ARID4A: variants seen among roughly 807,000 people sequenced by gnomAD.
ARID4A encodes AT-rich interaction domain 4A.
ARID4A carries 39 observed loss-of-function variants against 148.6 expected under a neutral mutation model. That is an observed-to-expected ratio of 0.26 (90% CI 0.20 to 0.34). The LOEUF (loss-of-function observed/expected upper bound fraction) is 0.34. Ranked by LOEUF, ARID4A falls within the 10% of genes least tolerant of loss-of-function variation. ARID4A has a pLI of 1.00. For synonymous variants in ARID4A, 475 were observed against 481.2 expected (o/e 0.99, Z 0.17); for missense variants, 1,265 against 1,449.1 (o/e 0.87, Z 2.06).
chr14:58,348,985 A>C (rs1189617035), intron 15 of ARID4A, among the ~76,000 whole-genome samples: 2 of 152,184 alleles, frequency 1.3e-5, no homozygotes, highest in Non-Finnish European at 2.9e-5. Context: ...TGCAAACCTG[A>C]AATTCTGTAC....
At chr14:58,323,439 A>G (rs1173489293) in intron 7 of ARID4A, 46 bp from the exon 8 acceptor site, 1 of 1,580,400 alleles carries the variant, frequency 6.3e-7, no homozygotes. Flanking sequence ...TCTGTATCAA[A>G]TAATTGTTTG....
intron 7 of ARID4A, among the ~76,000 whole-genome samples, chr14:58,320,577 CT>C (rs953336605): frequency 2.7e-5 from 4 of 148,208 alleles, no homozygotes; most frequent in Admixed American, 2.7e-4. Context: ...ATTCTGTAGC[CT>C]TTTTTCTTCC....
intron 19 of ARID4A, 124 bp downstream of exon 19, chr14:58,361,166 TTG>T: frequency 7.2e-7 from 1 of 1,386,922 alleles, no homozygotes; most frequent in Non-Finnish European, 9.5e-7. Context: ...AAAACTTCCA[TTG>T]TGTGAAATAT....
intron 5 of ARID4A, among the ~76,000 whole-genome samples, chr14:58,313,420 C>T (rs2032191534): frequency 1.3e-5 from 2 of 152,168 alleles, no homozygotes; most frequent in African/African-American, 2.4e-5. Context: ...CATTTGCGCT[C>T]CTATGAGAAT....
chr14:58,359,741 C>A (rs917861750), intron 18 of ARID4A, among the ~76,000 whole-genome samples: 1 of 151,990 alleles, frequency 6.6e-6, no homozygotes, highest in Non-Finnish European at 1.5e-5. Flanking sequence ...TATGCATATA[C>A]GATATTGTGT....
At chr14:58,351,372 C>T (rs748460261) in intron 16 of ARID4A, 49 bp downstream of exon 16, 4 of 1,554,340 alleles carry the variant, frequency 2.6e-6, no homozygotes, top group Non-Finnish European at 3.4e-6. Flanking sequence ...TGGGGTACAA[C>T]AGCGCTTTGT....
At position 58,329,716 on chromosome 14, in the gene ARID4A, G is replaced by C. The variant is rs569927231; in HGVS notation, c.739+112G>C. 2.0e-5 allele frequency: 20 copies of C among 1,012,830 alleles called. No homozygotes were observed. The East Asian group carries it at 5.0e-4, about 25-fold the overall frequency. 62.7% of individuals were successfully genotyped at this position (1,012,830 alleles called of 1,614,324 possible). On this transcript the variant is annotated intron_variant, in intron 10 of 23. Coordinates refer to ENST00000355431, the MANE Select transcript of ARID4A (RefSeq NM_002892.4). ...ACCACCATTTTAACTGTTTAGAGTTGATATCCACTCTTACTTGATTTTTTT... is the reference window on the plus strand; with the variant it reads ...ACCACCATTTTAACTGTTTAGAGTTCATATCCACTCTTACTTGATTTTTTT...
At chr14:58,331,482 T>G (rs2033518288) in intron 11 of ARID4A, 1 of 152,254 alleles carries the variant, frequency 6.6e-6, no homozygotes, top group African/African-American at 2.4e-5. Flanking sequence ...AAGGGGAATC[T>G]AACCACTTTG....
rs2035110722 is a variant in ARID4A at position 58,361,008 on chromosome 14, C to T, written c.2046C>T (p.Gly682=). The T allele has an allele frequency of 1.2e-6, 2 of 1,613,888 alleles. No homozygotes were observed. Among genetic ancestry groups the T allele is most frequent in the Non-Finnish European group, 1.7e-6 (2 of 1,179,986 alleles). ...KSTLSSNMPY[G]LSKTANSEGK... is the part of the protein sequence containing the mutation. ...CCCTCTCATCAAACATGCCGTATGGCTTATCTAAGACAGCAAACAGTGAAG... is the reference window on the plus strand; with the variant it reads ...CCCTCTCATCAAACATGCCGTATGGTTTATCTAAGACAGCAAACAGTGAAG... Residue 682 remains glycine (G), a synonymous_variant, in exon 19 of 24, where the codon GGC becomes GGT. Transcript: ENST00000355431.
intron 3 of ARID4A, among the ~76,000 whole-genome samples, chr14:58,302,351 G>A (rs2031242993): frequency 6.6e-6 from 1 of 152,158 alleles, no homozygotes; most frequent in African/African-American, 2.4e-5. Flanking sequence ...AAAATTAGCT[G>A]GGTGTGGTGG....
At position 58,346,406 on chromosome 14, in the gene ARID4A, A is replaced by G. The variant is rs2034367200; in HGVS notation, c.980-5A>G. ...ATTTTATTTCTACCTACTTACATTG[A>G]AAAGGTACTCCAATCAACAAACCAC... On this transcript the variant is annotated splice_polypyrimidine_tract_variant and splice_region_variant and intron_variant, in intron 12 of 23. Coordinates refer to ENST00000355431, the MANE Select transcript of ARID4A (RefSeq NM_002892.4). 2 of 1,582,334 alleles carry G rather than the reference A, an allele frequency of 1.3e-6. No individual in the cohort carries two copies. Among genetic ancestry groups the G allele is most frequent in the Non-Finnish European group, 8.6e-7 (1 of 1,157,120 alleles).
intron 15 of ARID4A, among the ~76,000 whole-genome samples, chr14:58,348,587 A>G (rs1250037436): frequency 6.6e-6 from 1 of 152,218 alleles, no homozygotes; most frequent in African/African-American, 2.4e-5. Context: ...GTCATCTAGC[A>G]TTTGGATCAG....
At chr14:58,319,449 C>T (rs1041713730) in intron 7 of ARID4A, among the ~76,000 whole-genome samples, 10 of 143,592 alleles carry the variant, frequency 7.0e-5, no homozygotes, top group East Asian at 2.2e-4. Context: ...TTATCTTTTA[C>T]TTCAAAAACA....
chr14:58,329,143 C>T (rs2033379995), intron 9 of ARID4A, among the ~76,000 whole-genome samples: 2 of 151,996 alleles, frequency 1.3e-5, no homozygotes, highest in East Asian at 1.9e-4. Flanking sequence ...AAAAATATTT[C>T]AATATTACTG....
At chr14:58,302,232 G>A (rs1474836987) in intron 3 of ARID4A, among the ~76,000 whole-genome samples, 2 of 152,060 alleles carry the variant, frequency 1.3e-5, no homozygotes, top group Admixed American at 1.3e-4. Context: ...GGTGACTCAC[G>A]CCTGTAATCC....
At chr14:58,302,159 A>T (rs568580340) in intron 3 of ARID4A, among the ~76,000 whole-genome samples, 1 of 152,244 alleles carries the variant, frequency 6.6e-6, no homozygotes, top group African/African-American at 2.4e-5. Context: ...GGAGTTCAAG[A>T]GCAGCCTGGC....
At position 58,330,145 on chromosome 14, in the gene ARID4A, G is replaced by A; in HGVS notation, c.882G>A (p.Glu294=). Residue 294 remains glutamate (E), a synonymous_variant, in exon 11 of 24, where the codon GAG becomes GAA. Transcript: ENST00000355431. ...AAAATGATGAAGAGAAGGAAAAGGA[G>A]GCCAAAAAGACAGAAGAAGAGGTGG... is the stretch of plus-strand genomic sequence containing the variant. The part of the protein sequence containing the change: ...AEENDEEKEK[E]AKKTEEEVPE... 2 of 1,611,508 alleles carry A rather than the reference G, an allele frequency of 1.2e-6. No homozygotes were observed. The highest frequency in any genetic ancestry group is 2.2e-5 in the East Asian group (1 of 44,696).
intron 5 of ARID4A, among the ~76,000 whole-genome samples, chr14:58,306,981 T>C (rs1332183637): frequency 1.3e-5 from 2 of 152,204 alleles, no homozygotes; most frequent in African/African-American, 4.8e-5. Context: ...TTTAGATAAC[T>C]TTATTGTATT....
intron 17 of ARID4A, among the ~76,000 whole-genome samples, chr14:58,357,035 A>T (rs1373069432): frequency 6.6e-6 from 1 of 152,144 alleles, no homozygotes; most frequent in Admixed American, 6.5e-5. Flanking sequence ...AGCGATATGC[A>T]GTATGATACT....
Sources: allele counts gnomAD v4.1 joint callset (sites outside exome capture counted in the v4.1 genomes callset), GRCh38; gene constraint gnomAD v4.1.1; transcripts MANE v1.5; gene names NCBI Gene and HGNC (gene_info 2026-07-23, HGNC 2026-07-21).